Variants in TXNDC11 observed in about 807,000 individuals in gnomAD.
TXNDC11 encodes the protein thioredoxin domain containing 11, also known as thioredoxin domain-containing protein 11.
Under a neutral mutation model 78.0 loss-of-function variants are expected in TXNDC11, and 68 were observed. The ratio of observed to expected loss-of-function variants is 0.87; its 90% CI spans 0.72 to 1.07. TXNDC11 has a LOEUF of 1.07. Among genes scored for constraint, TXNDC11 ranks in the 50% least tolerant of loss-of-function variants. The probability of loss-of-function intolerance (pLI) is 0.00; values close to 1 mark genes in which losing one functional copy is unlikely to be tolerated. For synonymous variants in TXNDC11, 571 were observed against 495.2 expected, an observed-to-expected ratio of 1.15 and a Z score of -2.03; for missense variants, 1,389 against 1,221.8, an observed-to-expected ratio of 1.14 and a Z score of -2.04.
At chr16:11,715,575 T>G (rs759112305) in intron 5 of TXNDC11, among the ~76,000 whole-genome samples, 2 of 151,858 alleles carry the variant, frequency 1.3e-5, no homozygotes, top group African/African-American at 2.4e-5. Flanking sequence ...GGATCCAAAG[T>G]GACATTTAAA....
At position 11,691,837 on chromosome 16, in the gene TXNDC11, C is replaced by T; in HGVS notation, c.1353G>A (p.Gly451=). ...VCELCVNQTS[G]GMKPSSVSVP... ...CGCTGACCGAGCTCGGCTTCATGCC[C>T]CCGGAGGTCTGGTTGACACAGAGTT... The change falls in exon 8 of 12, where the codon GGG becomes GGA. Residue 451 remains glycine (G), a synonymous_variant. Transcript: ENST00000283033. 12 of 1,614,236 alleles carry T rather than the reference C, an allele frequency of 7.4e-6. No homozygotes were observed. The highest frequency in any genetic ancestry group is 1.7e-5 in the Admixed American group (1 of 60,030).
intron 10 of TXNDC11, among the ~76,000 whole-genome samples, chr16:11,686,795 A>C (rs1004298381): frequency 1.3e-5 from 2 of 152,242 alleles, no homozygotes; most frequent in Non-Finnish European, 2.9e-5. Context: ...CTTCTAAACC[A>C]TTTTAATTTC....
intron 5 of TXNDC11, among the ~76,000 whole-genome samples, chr16:11,717,653 C>G (rs1379119384): frequency 6.7e-6 from 1 of 150,018 alleles, no homozygotes; most frequent in Non-Finnish European, 1.5e-5. Flanking sequence ...AACCCCGTCT[C>G]TACTAAAAAT....
chr16:11,741,406 G>T (rs2052388448), intron 1 of TXNDC11, among the ~76,000 whole-genome samples: 2 of 152,114 alleles, frequency 1.3e-5, no homozygotes, highest in South Asian at 4.1e-4. Context: ...GAACTTTCAT[G>T]TTCCTACCCC....
chr16:11,717,537 A>G (rs1405676138), intron 5 of TXNDC11, among the ~76,000 whole-genome samples: 1 of 150,352 alleles, frequency 6.7e-6, no homozygotes, highest in East Asian at 2.0e-4. Context: ...AAAGGCTAAC[A>G]CAGGCTGGGC....
At chr16:11,682,572 A>G (rs1345509961) in intron 11 of TXNDC11, among the ~76,000 whole-genome samples, 1 of 152,172 alleles carries the variant, frequency 6.6e-6, no homozygotes. Context: ...GCTGCTGAGA[A>G]CTTCTTCATT....
At chr16:11,702,021 C>CA (rs1355828444) in intron 5 of TXNDC11, among the ~76,000 whole-genome samples, 3,737 of 92,780 alleles carry the variant, frequency 0.04, 97 homozygotes, top group African/African-American at 0.1. Context: ...TTGATGTTAA[C>CA]AAAAAAAAAA....
intron 5 of TXNDC11, among the ~76,000 whole-genome samples, chr16:11,718,685 G>C (rs1489507857): frequency 6.6e-6 from 1 of 151,954 alleles, no homozygotes; most frequent in African/African-American, 2.4e-5. Flanking sequence ...TGTGAATTTA[G>C]CCACAAAAAA....
intron 5 of TXNDC11, among the ~76,000 whole-genome samples, chr16:11,703,981 A>G (rs760015943): frequency 6.6e-6 from 1 of 152,224 alleles, no homozygotes; most frequent in Non-Finnish European, 1.5e-5. Context: ...AATTCCAGCT[A>G]TCTGGGAGGC....
At chr16:11,702,195 C>A (rs1204802368) in intron 5 of TXNDC11, among the ~76,000 whole-genome samples, 1 of 151,314 alleles carries the variant, frequency 6.6e-6, no homozygotes, top group Non-Finnish European at 1.5e-5. Context: ...TGTTGGAGAA[C>A]GAACATCAAC....
chr16:11,704,694 G>A (rs1314751102), intron 5 of TXNDC11, among the ~76,000 whole-genome samples: 1 of 152,124 alleles, frequency 6.6e-6, no homozygotes, highest in East Asian at 1.9e-4. Flanking sequence ...CAAAATACCT[G>A]AGAAATATTC....
At chr16:11,716,168 C>T (rs897194392) in intron 5 of TXNDC11, among the ~76,000 whole-genome samples, 5 of 152,260 alleles carry the variant, frequency 3.3e-5, no homozygotes, top group Non-Finnish European at 7.3e-5. Context: ...GGCATTGCTG[C>T]CTCCCAGCCC....
intron 11 of TXNDC11, among the ~76,000 whole-genome samples, chr16:11,681,813 T>C (rs2050432967): frequency 1.3e-5 from 2 of 152,186 alleles, no homozygotes; most frequent in South Asian, 4.1e-4. Context: ...GAAGGCTATG[T>C]CTCCCTCAAG....
At chr16:11,730,873 G>C (rs752713304) in intron 3 of TXNDC11, 99 bp from the exon 4 acceptor site, 6 of 938,096 alleles carry the variant, frequency 6.4e-6, no homozygotes, top group Non-Finnish European at 8.7e-6. Flanking sequence ...ACCACAAAAT[G>C]AAAGTGTCTT....
chr16:11,729,727 T>C (rs1399684283), intron 4 of TXNDC11, among the ~76,000 whole-genome samples: 1 of 152,194 alleles, frequency 6.6e-6, no homozygotes, highest in Non-Finnish European at 1.5e-5. Flanking sequence ...ACTACTTTTA[T>C]AATTTTTTGA....
rs1466233628 is a variant in TXNDC11 at position 11,736,044 on chromosome 16, C to G, written c.444G>C (p.Glu148Asp). ...GQSIAARAEIEQAASRLSDQV... is the reference protein window; with the variant it reads ...GQSIAARAEIDQAASRLSDQV... ...GATCTGAAAGCCGACTTGCTGCTTG[C>G]TCAATTTCTGCCCTGGCAGCGATGG... The change falls in exon 2 of 12, where the codon GAG becomes GAC. Residue 148 changes from glutamate to aspartate, a missense_variant. Physicochemically the swap from Glu to Asp is conservative, Grantham distance 45. Transcript: ENST00000283033. 1 of 1,613,996 alleles carries G rather than the reference C, an allele frequency of 6.2e-7. No individual in the cohort carries two copies. The highest frequency in any genetic ancestry group is 8.5e-7 in the Non-Finnish European group (1 of 1,180,038).
At chr16:11,726,976 C>G (rs1298517587) in intron 4 of TXNDC11, among the ~76,000 whole-genome samples, 2 of 152,068 alleles carry the variant, frequency 1.3e-5, no homozygotes, top group Admixed American at 1.3e-4. Flanking sequence ...TCACCTGAAC[C>G]CAGGAGGTGG....
intron 5 of TXNDC11, among the ~76,000 whole-genome samples, chr16:11,717,434 GAAAAAAAAAAAA>G (rs58884197): frequency 1.6e-5 from 1 of 62,330 alleles, no homozygotes; most frequent in South Asian, 7.0e-4. Context: ...GACTCCAAAT[GAAAAAAAAAAAA>G]AAAAAAAAAA....
At chr16:11,688,911 T>C (rs2050637324) in intron 8 of TXNDC11, among the ~76,000 whole-genome samples, 1 of 152,200 alleles carries the variant, frequency 6.6e-6, no homozygotes, top group African/African-American at 2.4e-5. Flanking sequence ...TTTTGTTTCC[T>C]TTATTAAGGT....
Sources: gnomAD v4.1 joint callset for allele counts (sites outside exome capture counted in the v4.1 genomes callset) on GRCh38, gnomAD v4.1.1 for gene constraint, MANE v1.5 for transcripts, NCBI Gene and HGNC (gene_info 2026-07-23, HGNC 2026-07-21) for gene names.